The following ING3 variants were observed in gnomAD, a reference collection of about 807,000 sequenced individuals.
The protein encoded by ING3 is inhibitor of growth family member 3, also known as inhibitor of growth protein 3.
Under a neutral mutation model 64.8 loss-of-function variants are expected in ING3, and 6 were observed. That is an observed-to-expected ratio of 0.09 (90% CI 0.05 to 0.18). The LOEUF (loss-of-function observed/expected upper bound fraction) is 0.18, where lower values mean the gene tolerates loss of function less well. Among genes scored for constraint, ING3 ranks in the 10% least tolerant of loss-of-function variants. The pLI, the probability that ING3 is intolerant of heterozygous loss-of-function variation, is 1.00. For missense variants in ING3, 310 were observed against 489.7 expected (o/e 0.63, Z 3.46); for synonymous variants, 170 against 173.7 (o/e 0.98, Z 0.17).
rs1334222376 is a variant in ING3, at chr7:120,970,645, C to T, written c.909-43C>T. 3 of 1,599,038 alleles carry T rather than the reference C, an allele frequency of 1.9e-6. No homozygotes were observed. In the African/African-American group the frequency reaches 4.0e-5, roughly 21 times the overall value. On this transcript the variant is annotated intron_variant, in intron 9 of 11. Coordinates refer to ENST00000315870, the MANE Select transcript of ING3 (RefSeq NM_019071.3). The stretch of plus-strand genomic sequence containing the variant: ...TTATTTAGGAGTTATTCTCAGTTAA[C>T]TTCTGGATGGTGAGCAAATAAAACT...
chr7:120,973,645 A>C (rs1337442551), intron 11 of ING3, among the ~76,000 whole-genome samples: 1 of 152,176 alleles, frequency 6.6e-6, no homozygotes, highest in East Asian at 1.9e-4. Flanking sequence ...TTGAGGATCT[A>C]ATGTGAGATT....
intron 4 of ING3, chr7:120,955,897 A>G (rs1466439926): frequency 1.8e-6 from 1 of 567,712 alleles, no homozygotes; most frequent in Admixed American, 3.4e-5. Context: ...ACAAGAATTA[A>G]TGTTTAACTT....
chr7:120,952,117 G>A (rs960368664), intron 2 of ING3, among the ~76,000 whole-genome samples: 5 of 152,230 alleles, frequency 3.3e-5, no homozygotes, highest in African/African-American at 1.2e-4. Flanking sequence ...TCAGTGGATT[G>A]TGATATGAAG....
intron 5 of ING3, 46 bp downstream of exon 5, chr7:120,964,884 G>T: frequency 6.9e-7 from 1 of 1,451,622 alleles, no homozygotes; most frequent in Non-Finnish European, 9.7e-7. Context: ...CAGTACATGT[G>T]CAAATCGCTG....
rs200659842 is a variant in ING3 at position 120,953,445 on chromosome 7, G to A, written c.201+41G>A. On this transcript the variant is annotated intron_variant, in intron 3 of 11. Coordinates refer to ENST00000315870, the MANE Select transcript of ING3 (RefSeq NM_019071.3). ...TGGATAATTTATCAAGAAATATTGG[G>A]ACCCTCTGAAAAAGATATTTCAAAA... The A allele has an allele frequency of 3.4e-5, 41 of 1,195,206 alleles. No homozygotes were observed. The African/African-American group carries it at 4.6e-4, about 13-fold the overall frequency. 74.0% of individuals were successfully genotyped at this position (1,195,206 alleles called of 1,614,324 possible).
At chr7:120,966,926 A>ACTAC (rs1357939658) in intron 6 of ING3, among the ~76,000 whole-genome samples, 1 of 152,140 alleles carries the variant, frequency 6.6e-6, no homozygotes, top group Non-Finnish European at 1.5e-5. Context: ...GTATAGTACT[A>ACTAC]ATAGCATATA....
chr7:120,967,689 T>G, intron 7 of ING3, 41 bp downstream of exon 7: 1 of 1,551,396 alleles, frequency 6.4e-7, no homozygotes, highest in Non-Finnish European at 8.7e-7. Context: ...TGTTTGTTTG[T>G]GTTAGAGTAA....
intron 4 of ING3, among the ~76,000 whole-genome samples, chr7:120,960,437 A>G (rs954424780): frequency 6.6e-6 from 1 of 152,194 alleles, no homozygotes; most frequent in African/African-American, 2.4e-5. Context: ...TAAACATTAT[A>G]TTATAGGAAT....
At chr7:120,961,223 A>G (rs554666192) in intron 4 of ING3, among the ~76,000 whole-genome samples, 1 of 152,270 alleles carries the variant, frequency 6.6e-6, no homozygotes, top group Admixed American at 6.5e-5. Flanking sequence ...TCACATTTTC[A>G]TCTAGTTTAA....
chr7:120,956,944 G>GA, intron 4 of ING3: 2 of 474,328 alleles, frequency 4.2e-6, no homozygotes, highest in East Asian at 1.5e-4. Flanking sequence ...TGTGTATTTA[G>GA]AAAAAATATA....
Position 120,956,711 on chromosome 7 carries a change from G to T in ING3, c.267+1087G>T, listed in dbSNP as rs928521555. 1.9e-5 allele frequency: 19 copies of T among 975,678 alleles called. No individual in the cohort carries two copies. The African/African-American group carries it at 3.2e-4, about 16-fold the overall frequency. The allele number at this position is 975,678 out of a possible 1,614,324, so 60.4% of individuals were successfully genotyped here. On this transcript the variant is annotated intron_variant, in intron 4 of 11. Coordinates refer to ENST00000315870, the MANE Select transcript of ING3 (RefSeq NM_019071.3). The stretch of plus-strand genomic sequence containing the variant: ...AACCAAAAAAAAAAAGGTCTTAATT[G>T]TTTCAGTCTTTAATTATGTCTATAA...
In ING3 at chr7:120,973,190, AT is replaced by A. The variant is rs757413286; in HGVS notation, c.1102-7del. 66 of 1,441,292 alleles carry A rather than the reference AT, an allele frequency of 4.6e-5. No individual in the cohort carries two copies. Among genetic ancestry groups the A allele is most frequent in the Non-Finnish European group, 6.0e-5 (62 of 1,026,058 alleles). 89.3% of individuals were successfully genotyped at this position (1,441,292 alleles called of 1,614,324 possible). On this transcript the variant is annotated splice_polypyrimidine_tract_variant and intron_variant, in intron 10 of 11. Transcript: ENST00000315870. ...TACATAGTCATAATAAAGACATTTA[AT>A]TTTTTTTAACTAGGTATCTTATGGT...
chr7:120,974,978 A>G lies in ING3; in HGVS notation c.*134A>G, dbSNP rs1796116707. The G allele has an allele frequency of 1.7e-5, 9 of 538,940 alleles. No homozygotes were observed. In the South Asian group the frequency reaches 1.7e-4, roughly 10 times the overall value. 33.4% of individuals were successfully genotyped at this position (538,940 alleles called of 1,614,324 possible). On this transcript the variant is annotated 3_prime_UTR_variant, in exon 12 of 12. Coordinates refer to ENST00000315870, the MANE Select transcript of ING3 (RefSeq NM_019071.3). ...TTAAAGGATTTACATAGACAATCCT[A>G]TAAGATCTTGAACTTGAATTTTATG...
At chr7:120,953,026 G>A (rs775891244) in intron 2 of ING3, among the ~76,000 whole-genome samples, 3 of 152,006 alleles carry the variant, frequency 2.0e-5, no homozygotes, top group Non-Finnish European at 4.4e-5. Context: ...AGGCTTTATT[G>A]CTCAAAAATT....
At chr7:120,966,580 C>T (rs370877089) in intron 5 of ING3, 46 bp from the exon 6 acceptor site, 162 of 1,400,576 alleles carry the variant, frequency 1.2e-4, no homozygotes, top group East Asian at 1.4e-4. Context: ...TGAAGTTCTG[C>T]GGTGACATTT....
chr7:120,967,831 A>C (rs968321986), intron 7 of ING3, 103 bp from the exon 8 acceptor site: 18 of 1,347,176 alleles, frequency 1.3e-5, no homozygotes, highest in Middle Eastern at 2.0e-4. Context: ...GTGACATTAA[A>C]AATTTTAATG....
intron 3 of ING3, among the ~76,000 whole-genome samples, chr7:120,955,001 A>G (rs974085036): frequency 3.3e-5 from 5 of 152,248 alleles, no homozygotes; most frequent in Non-Finnish European, 7.3e-5. Context: ...TTCTAGACTT[A>G]CAATGGCATT....
At chr7:120,971,557 G>A (rs1049834706) in intron 10 of ING3, among the ~76,000 whole-genome samples, 1 of 152,132 alleles carries the variant, frequency 6.6e-6, no homozygotes, top group African/African-American at 2.4e-5. Flanking sequence ...GAACCACAGT[G>A]TATACTTTCT....
At chr7:120,964,919 T>C in intron 5 of ING3, 81 bp downstream of exon 5, 1 of 1,114,704 alleles carries the variant, frequency 9.0e-7, no homozygotes. Context: ...CACAGAGGCT[T>C]TTGAAATCCT....
Sources: allele counts gnomAD v4.1 joint callset (sites outside exome capture counted in the v4.1 genomes callset), GRCh38; gene constraint gnomAD v4.1.1; transcripts MANE v1.5; gene names NCBI Gene and HGNC (gene_info 2026-07-23, HGNC 2026-07-21).